The following MTMR7 variants were observed in gnomAD, a reference collection of about 807,000 sequenced individuals.
The protein encoded by MTMR7 is myotubularin related protein 7.
MTMR7 carries 76 observed loss-of-function variants against 81.2 expected under a neutral mutation model. The ratio of observed to expected loss-of-function variants is 0.94; its 90% confidence interval spans 0.78 to 1.13. The LOEUF is 1.13. Among genes scored for constraint, MTMR7 ranks in the 50% most tolerant of loss-of-function variants. The probability of loss-of-function intolerance (pLI) is 0.00; values close to 1 mark genes in which losing one functional copy is unlikely to be tolerated. For missense variants in MTMR7, 1,044 were observed against 820.0 expected (o/e 1.27, Z -3.34); for synonymous variants, 372 against 289.8 (o/e 1.28, Z -2.88).
At chr8:17,346,540 G>A (rs559339123) in intron 5 of MTMR7, among the ~76,000 whole-genome samples, 3 of 152,140 alleles carry the variant, frequency 2.0e-5, no homozygotes, top group Non-Finnish European at 2.9e-5. Context: ...GAGGTCAGCC[G>A]GGGAAGAAGC....
At chr8:17,390,249 C>A (rs1821067928) in intron 1 of MTMR7, among the ~76,000 whole-genome samples, 1 of 151,734 alleles carries the variant, frequency 6.6e-6, no homozygotes, top group South Asian at 2.1e-4. Context: ...AGCTTCCAAT[C>A]ATGGTGTAAG....
intron 1 of MTMR7, among the ~76,000 whole-genome samples, chr8:17,395,407 T>A (rs938366895): frequency 1.3e-5 from 2 of 152,186 alleles, no homozygotes; most frequent in African/African-American, 4.8e-5. Flanking sequence ...TTTGTGTCCC[T>A]GTTTTTAATT....
chr8:17,310,635 T>C (rs1817733144), intron 9 of MTMR7, among the ~76,000 whole-genome samples: 2 of 152,138 alleles, frequency 1.3e-5, no homozygotes, highest in Non-Finnish European at 1.5e-5. Context: ...GTCAATGCTA[T>C]CACAGGTAAT....
chr8:17,364,574 C>T (rs1357004860), intron 3 of MTMR7, among the ~76,000 whole-genome samples: 1 of 152,194 alleles, frequency 6.6e-6, no homozygotes, highest in Non-Finnish European at 1.5e-5. Flanking sequence ...ATCATCTCCC[C>T]ACGTCCCCCA....
chr8:17,356,651 T>C (rs999035065), intron 4 of MTMR7, among the ~76,000 whole-genome samples: 45 of 152,072 alleles, frequency 3.0e-4, no homozygotes, highest in African/African-American at 1.1e-3. Flanking sequence ...GAGGCAGAGG[T>C]TACAGTGAGC....
intron 7 of MTMR7, among the ~76,000 whole-genome samples, chr8:17,318,591 T>C (rs1167089966): frequency 6.6e-6 from 1 of 152,186 alleles, no homozygotes; most frequent in Non-Finnish European, 1.5e-5. Context: ...TGTTGGCCAC[T>C]GCAGTGGGGT....
chr8:17,346,673 T>G (rs561064585), intron 5 of MTMR7, among the ~76,000 whole-genome samples: 1 of 146,962 alleles, frequency 6.8e-6, no homozygotes, highest in East Asian at 1.9e-4. Context: ...AGGGAGTTGC[T>G]AGGCACACTG....
chr8:17,304,396 TG>T lies in MTMR7; in HGVS notation c.1475del (p.Pro492HisfsTer30), dbSNP rs1221326098. 1 of 1,612,910 alleles carries T rather than the reference TG, an allele frequency of 6.2e-7. No homozygotes were observed. Among genetic ancestry groups the T allele is most frequent in the Non-Finnish European group, 8.5e-7 (1 of 1,179,078 alleles). ...TTACATACTTGTACATGAAGTTACA[TG>T]GTGTTGTAGGGAGATGAAGGGTTCC... ...TQGTLHLPTT[P>X]CNFMYKFWSG... On this transcript the variant is annotated frameshift_variant, in exon 12 of 14. Coordinates refer to ENST00000180173, the MANE Select transcript of MTMR7 (RefSeq NM_004686.5). LOFTEE classifies it high-confidence loss of function.
chr8:17,325,725 C>T lies in MTMR7; in HGVS notation c.865+5425G>A, dbSNP rs149439863. On this transcript the variant is annotated intron_variant, in intron 7 of 13. Transcript: ENST00000180173. ...TGTTTATTAAATCATTTTTGATGAA[C>T]GTGCGCTGATTGCACACAGACCCTA... is the stretch of plus-strand genomic sequence containing the variant. Among the ~76,000 whole-genome samples the T allele has an allele frequency of 2.3e-3, 357 of 152,288 alleles. 1 individual carries two copies. Among genetic ancestry groups the T allele is most frequent in the Middle Eastern group, 6.8e-3 (2 of 294 alleles).
chr8:17,346,191 C>T (rs1819545643), intron 5 of MTMR7: 1 of 152,144 alleles, frequency 6.6e-6, no homozygotes, highest in Non-Finnish European at 1.5e-5. Context: ...ATATAATTAA[C>T]CTTGATATTA....
intron 6 of MTMR7, 136 bp from the exon 7 acceptor site, chr8:17,331,418 C>A (rs893836443): frequency 2.2e-6 from 2 of 892,472 alleles, no homozygotes; most frequent in Non-Finnish European, 3.3e-6. Context: ...ATTTGAATCA[C>A]TGCAACCTTG....
chr8:17,310,813 ATT>A (rs1239929954), intron 9 of MTMR7, among the ~76,000 whole-genome samples: 1 of 152,178 alleles, frequency 6.6e-6, no homozygotes, highest in Non-Finnish European at 1.5e-5. Flanking sequence ...CGGATTCATG[ATT>A]CACTGAAGCA....
chr8:17,368,660 T>G lies in MTMR7; in HGVS notation c.310+2377A>C, dbSNP rs545386616. ...CTGCTTCCAAAGTTACAGCCTATAA[T>G]ATGCCCTAATGTTAGCAATGCCTTT... On this transcript the variant is annotated intron_variant, in intron 3 of 13. Transcript: ENST00000180173. Among the ~76,000 whole-genome samples the G allele has an allele frequency of 5.9e-5, 9 of 152,322 alleles. 1 individual carries two copies. In the South Asian group the frequency reaches 1.9e-3, roughly 32 times the overall value.
intron 6 of MTMR7, among the ~76,000 whole-genome samples, chr8:17,334,768 A>G (rs1294519155): frequency 6.6e-6 from 1 of 152,238 alleles, no homozygotes; most frequent in Non-Finnish European, 1.5e-5. Flanking sequence ...ACTGGGCAAG[A>G]GCTGAGCAAC....
At chr8:17,326,183 G>C (rs183227387) in intron 7 of MTMR7, 43 of 152,278 alleles carry the variant, frequency 2.8e-4, no homozygotes, top group Admixed American at 2.4e-3. Context: ...TGGTGGTTAA[G>C]AGTGAGGCAT....
intron 1 of MTMR7, among the ~76,000 whole-genome samples, chr8:17,382,599 T>C (rs1474360291): frequency 6.6e-6 from 1 of 152,218 alleles, no homozygotes; most frequent in East Asian, 1.9e-4. Context: ...TTTTGCAATC[T>C]TTAATGTTGA....
At chr8:17,325,671 G>A (rs1415674694) in intron 7 of MTMR7, among the ~76,000 whole-genome samples, 2 of 152,178 alleles carry the variant, frequency 1.3e-5, no homozygotes, top group Admixed American at 1.3e-4. Flanking sequence ...AGAACAACTT[G>A]CTGAGAAAAT....
intron 3 of MTMR7, among the ~76,000 whole-genome samples, chr8:17,369,918 T>C (rs1178507094): frequency 1.3e-5 from 2 of 152,086 alleles, no homozygotes; most frequent in Non-Finnish European, 2.9e-5. Context: ...GTGCTGGGAT[T>C]ACAGATGTGA....
intron 1 of MTMR7, among the ~76,000 whole-genome samples, chr8:17,412,520 G>A (rs1033003095): frequency 6.6e-6 from 1 of 152,204 alleles, no homozygotes; most frequent in African/African-American, 2.4e-5. Flanking sequence ...TACAACTGAG[G>A]AGGAAGATTT....
Sources: gnomAD v4.1 joint callset for allele counts (sites outside exome capture counted in the v4.1 genomes callset) on GRCh38, gnomAD v4.1.1 for gene constraint, MANE v1.5 for transcripts, NCBI Gene and HGNC (gene_info 2026-07-23, HGNC 2026-07-21) for gene names.